EFTUD2: variants seen among roughly 807,000 people sequenced by gnomAD.
EFTUD2 encodes elongation factor Tu GTP binding domain containing 2.
EFTUD2 carries 9 observed loss-of-function variants against 114.3 expected under a neutral mutation model. The observed-to-expected ratio is 0.08, with a 90% CI of 0.05 to 0.14. The LOEUF is 0.14. Among genes scored for constraint, EFTUD2 ranks in the 10% least tolerant of loss-of-function variants. The probability of loss-of-function intolerance (pLI) is 1.00; values close to 1 mark genes in which losing one functional copy is unlikely to be tolerated. For missense variants in EFTUD2, 765 were observed against 1,241.2 expected (o/e 0.62, Z 5.76); for synonymous variants, 449 against 462.3 (o/e 0.97, Z 0.37).
Position 44,894,541 on chromosome 17 carries a change from A to G in EFTUD2, c.-4-16T>C, listed in dbSNP as rs368015101. 158 of 1,588,488 alleles carry G rather than the reference A, an allele frequency of 9.9e-5. No homozygotes were observed. Among genetic ancestry groups the G allele is most frequent in the Middle Eastern group, 1.7e-4 (1 of 6,038 alleles). On this transcript the variant is annotated splice_polypyrimidine_tract_variant and intron_variant, in intron 1 of 27. Transcript: ENST00000426333. ...ATCCATGATGCTAAAATTCAAGGAG[A>G]GAAGAGTTAGATTCTGACAAGGTAA...
chr17:44,880,300 G>A (rs1300327085), intron 8 of EFTUD2, among the ~76,000 whole-genome samples: 1 of 152,178 alleles, frequency 6.6e-6, no homozygotes, highest in African/African-American at 2.4e-5. Context: ...AGGCTGAAAT[G>A]AATAAATGAA....
chr17:44,857,028 A>G (rs762824210), intron 20 of EFTUD2, 47 bp downstream of exon 20: 1 of 1,488,040 alleles, frequency 6.7e-7, no homozygotes, highest in African/African-American at 1.4e-5. Flanking sequence ...AAGGAGAGAG[A>G]GTGTCCAGGA....
intron 1 of EFTUD2, among the ~76,000 whole-genome samples, chr17:44,895,013 T>G (rs1597832721): frequency 6.6e-6 from 1 of 152,278 alleles, no homozygotes; most frequent in Admixed American, 6.5e-5. Flanking sequence ...CTCCTAATAC[T>G]TTAGTGTAAG....
chr17:44,875,860 T>C (rs2050938591), intron 10 of EFTUD2, 74 bp downstream of exon 10: 1 of 1,539,700 alleles, frequency 6.5e-7, no homozygotes, highest in Admixed American at 1.9e-5. Context: ...TAAATCACAG[T>C]TGTTCCCAGA....
In EFTUD2 at chr17:44,854,436, G is replaced by C; in HGVS notation, c.2260-80C>G. On this transcript the variant is annotated intron_variant, in intron 22 of 27. Coordinates refer to ENST00000426333, the MANE Select transcript of EFTUD2 (RefSeq NM_004247.4). The surrounding 1 kb of genome is among the most constrained non-coding windows in gnomAD (Gnocchi z 4.3). ...TTAGAGGGAGAAGACAGATGTGCCT[G>C]TAAGGGGATACTGTCCTTCACCAGA... The C allele has an allele frequency of 1.3e-6, 2 of 1,578,542 alleles. No individual in the cohort carries two copies. The highest frequency in any genetic ancestry group is 8.6e-7 in the Non-Finnish European group (1 of 1,156,692).
chr17:44,872,606 T>G (rs770812653), intron 10 of EFTUD2, 36 bp from the exon 11 acceptor site: 4 of 1,569,666 alleles, frequency 2.5e-6, no homozygotes, highest in Non-Finnish European at 3.5e-6. Context: ...AGTGCCAGGC[T>G]GCAGCAGCCC....
intron 3 of EFTUD2, among the ~76,000 whole-genome samples, chr17:44,886,284 G>A (rs1026949366): frequency 1.3e-5 from 2 of 152,098 alleles, no homozygotes; most frequent in Admixed American, 1.3e-4. Flanking sequence ...TGGTTAAAAG[G>A]GTTGGAGTTA....
chr17:44,863,937 C>T, intron 14 of EFTUD2, 155 bp from the exon 15 acceptor site: 1 of 967,588 alleles, frequency 1.0e-6, no homozygotes. Context: ...TAGCCTGCTT[C>T]CTGGGAATGT....
chr17:44,853,808 G>A, intron 23 of EFTUD2, 173 bp from the exon 24 acceptor site: 2 of 1,439,770 alleles, frequency 1.4e-6, no homozygotes, highest in Non-Finnish European at 1.8e-6. Flanking sequence ...CCATGGCAGA[G>A]GTCAGAAGTT....
chr17:44,863,613 G>C, intron 15 of EFTUD2, 42 bp downstream of exon 15: 1 of 1,597,328 alleles, frequency 6.3e-7, no homozygotes, highest in Non-Finnish European at 8.5e-7. Context: ...ACACAGGAAG[G>C]GGAAAAAAAG....
At chr17:44,859,689 C>T in intron 18 of EFTUD2, 1 of 674,334 alleles carries the variant, frequency 1.5e-6, no homozygotes, top group South Asian at 1.9e-5. Flanking sequence ...CCATCACTGC[C>T]CCCTCCTACA....
intron 23 of EFTUD2, chr17:44,853,861 T>TA (rs1260135800): frequency 1.4e-6 from 2 of 1,402,434 alleles, no homozygotes; most frequent in African/African-American, 2.9e-5. Context: ...TGCTCAGACT[T>TA]AGAGCTTTCC....
intron 16 of EFTUD2, 45 bp from the exon 17 acceptor site, chr17:44,860,588 T>C (rs1285088818): frequency 2.6e-6 from 3 of 1,160,434 alleles, no homozygotes; most frequent in Non-Finnish European, 3.7e-6. Context: ...AGGCAGAGCA[T>C]TCCCTAATTT....
chr17:44,876,323 T>C lies in EFTUD2; in HGVS notation c.703-223A>G, dbSNP rs1258556118. On this transcript the variant is annotated intron_variant, in intron 9 of 27. Coordinates refer to ENST00000426333, the MANE Select transcript of EFTUD2 (RefSeq NM_004247.4). Reference sequence around the variant, plus strand: ...GAGAAATGAATAAACCCATGAACAATGATGTTGGGAGCCAGGTTTCTCAGT... The same window carrying C: ...GAGAAATGAATAAACCCATGAACAACGATGTTGGGAGCCAGGTTTCTCAGT... 2.0e-5 allele frequency among the ~76,000 whole-genome samples: 3 copies of C among 152,122 alleles called. No individual in the cohort carries two copies. The East Asian group carries it at 5.8e-4, about 29-fold the overall frequency.
intron 16 of EFTUD2, among the ~76,000 whole-genome samples, chr17:44,861,349 G>A (rs571422585): frequency 6.6e-6 from 1 of 151,750 alleles, no homozygotes; most frequent in African/African-American, 2.4e-5. Flanking sequence ...GGAGGCTGAG[G>A]CAGGAGAATC....
chr17:44,852,249 GAC>G (rs1178450767), intron 26 of EFTUD2, among the ~76,000 whole-genome samples, 158 bp downstream of exon 26: 2 of 150,762 alleles, frequency 1.3e-5, no homozygotes, highest in East Asian at 1.9e-4. Flanking sequence ...TAAACTGAGA[GAC>G]ACAGATTCAA....
chr17:44,866,567 T>C (rs2050749673), intron 13 of EFTUD2, among the ~76,000 whole-genome samples: 1 of 151,868 alleles, frequency 6.6e-6, no homozygotes, highest in African/African-American at 2.4e-5. Flanking sequence ...TTAGTAGAAA[T>C]GGGGTCTTGC....
intron 10 of EFTUD2, among the ~76,000 whole-genome samples, chr17:44,875,255 G>A (rs1427975508): frequency 6.6e-6 from 1 of 152,022 alleles, no homozygotes; most frequent in Non-Finnish European, 1.5e-5. Flanking sequence ...AATTGGCCGG[G>A]GGTGGTGGTT....
chr17:44,853,713 G>A, intron 23 of EFTUD2, 78 bp from the exon 24 acceptor site: 1 of 1,586,942 alleles, frequency 6.3e-7, no homozygotes, highest in Non-Finnish European at 8.6e-7. Flanking sequence ...GCAGTCTCCT[G>A]CAACACTGCA....
Sources: allele counts gnomAD v4.1 joint callset (sites outside exome capture counted in the v4.1 genomes callset), GRCh38; gene constraint gnomAD v4.1.1; non-coding constraint Gnocchi (gnomAD v3.1); transcripts MANE v1.5; gene names NCBI Gene and HGNC (gene_info 2026-07-23, HGNC 2026-07-21).